TENM3: variants seen among roughly 807,000 people sequenced by gnomAD.
TENM3 encodes teneurin transmembrane protein 3, also known as teneurin-3.
TENM3 carries 63 observed loss-of-function variants against 255.1 expected under a neutral mutation model. The observed-to-expected ratio is 0.25, with a 90% CI of 0.20 to 0.30. TENM3 has a LOEUF of 0.30. Ranked by LOEUF, TENM3 falls within the 10% of genes least tolerant of loss-of-function variation. The probability of loss-of-function intolerance (pLI) is 1.00; values close to 1 mark genes in which losing one functional copy is unlikely to be tolerated. For synonymous variants in TENM3, 1,306 were observed against 1,322.3 expected (o/e 0.99, Z 0.27); for missense variants, 2,929 against 3,461.1 (o/e 0.85, Z 3.86).
the TENM3 span, among the ~76,000 whole-genome samples, chr4:182,076,308 G>A: frequency 3.4e-5 from 5 of 149,174 alleles, no homozygotes; most frequent in Admixed American, 6.8e-5. Flanking sequence ...GGGTTCAAGC[G>A]ATTCTCTTGC....
the TENM3 span, among the ~76,000 whole-genome samples, chr4:181,742,676 AT>A: frequency 4.5e-4 from 68 of 150,960 alleles, no homozygotes; most frequent in East Asian, 1.6e-3. Flanking sequence ...ATTTATTTTT[AT>A]TTTTTTTTAT....
the TENM3 span, among the ~76,000 whole-genome samples, chr4:181,994,121 G>A: frequency 6.6e-6 from 1 of 152,228 alleles, no homozygotes; most frequent in East Asian, 1.9e-4. Flanking sequence ...TTTCACAATT[G>A]TAAAGTTGTA....
At chr4:182,794,302 CT>C (rs1230634472) in intron 26 of TENM3, among the ~76,000 whole-genome samples, 1 of 152,100 alleles carries the variant, frequency 6.6e-6, no homozygotes, top group Admixed American at 6.6e-5. Flanking sequence ...ATAATAATGG[CT>C]AACTTAGGGC....
chr4:182,769,628 A>G (rs1219790241), intron 22 of TENM3, among the ~76,000 whole-genome samples: 1 of 151,540 alleles, frequency 6.6e-6, no homozygotes, highest in African/African-American at 2.4e-5. Flanking sequence ...CTAAAAATAC[A>G]CAAAAAAATT....
At chr4:181,576,519 G>A in the TENM3 span, among the ~76,000 whole-genome samples, 6 of 152,250 alleles carry the variant, frequency 3.9e-5, no homozygotes, top group South Asian at 1.2e-3. Context: ...CATAGAGGCT[G>A]TACTAATTTA....
At chr4:182,112,036 T>C in the TENM3 span, among the ~76,000 whole-genome samples, 2 of 152,136 alleles carry the variant, frequency 1.3e-5, no homozygotes, top group African/African-American at 4.8e-5. Flanking sequence ...ACACTTGTAA[T>C]CCCACGGCTT....
the TENM3 span, among the ~76,000 whole-genome samples, chr4:182,033,544 A>G: frequency 6.6e-6 from 1 of 152,200 alleles, no homozygotes; most frequent in African/African-American, 2.4e-5. Context: ...GTAGATATCT[A>G]TCAGGTCCAC....
At chr4:182,203,077 C>T (rs1289232611) in intron 1 of TENM3, among the ~76,000 whole-genome samples, 1 of 151,886 alleles carries the variant, frequency 6.6e-6, no homozygotes, top group Non-Finnish European at 1.5e-5. Context: ...ATTAGCCAGG[C>T]GTAGTGGTGG....
chr4:182,042,467 G>A, the TENM3 span, among the ~76,000 whole-genome samples: 1 of 152,186 alleles, frequency 6.6e-6, no homozygotes, highest in East Asian at 1.9e-4. Context: ...CAGTGTCCTA[G>A]AGGAAGTCAT....
the TENM3 span, among the ~76,000 whole-genome samples, chr4:181,535,704 C>G: frequency 6.6e-6 from 1 of 152,194 alleles, no homozygotes; most frequent in African/African-American, 2.4e-5. Flanking sequence ...GCTCTTCAAG[C>G]ACACCAGGCA....
chr4:181,773,072 CAG>C, the TENM3 span, among the ~76,000 whole-genome samples: 3 of 152,298 alleles, frequency 2.0e-5, no homozygotes, highest in East Asian at 5.8e-4. Flanking sequence ...TCATCTGACA[CAG>C]AAAACATCTG....
chr4:181,551,570 T>A, the TENM3 span, among the ~76,000 whole-genome samples: 1 of 152,292 alleles, frequency 6.6e-6, no homozygotes, highest in Admixed American at 6.5e-5. Flanking sequence ...AGAACATTTT[T>A]ATTTTTATCT....
chr4:181,761,729 G>C, the TENM3 span, among the ~76,000 whole-genome samples: 1 of 151,856 alleles, frequency 6.6e-6, no homozygotes, highest in Admixed American at 6.6e-5. Context: ...GCTTCCTATC[G>C]AGTATTCCTA....
At chr4:182,741,035 G>A (rs1220018913) in intron 18 of TENM3, among the ~76,000 whole-genome samples, 1 of 152,068 alleles carries the variant, frequency 6.6e-6, no homozygotes, top group African/African-American at 2.4e-5. Context: ...AATTAGCCAG[G>A]CTTAGTAGTG....
the TENM3 span, among the ~76,000 whole-genome samples, chr4:181,877,420 AT>A: frequency 2.7e-4 from 41 of 152,202 alleles, no homozygotes; most frequent in Non-Finnish European, 4.1e-4. Flanking sequence ...ATTTTGTTTC[AT>A]GCTAATTGAA....
the TENM3 span, among the ~76,000 whole-genome samples, chr4:181,992,425 C>T: frequency 6.6e-6 from 1 of 152,110 alleles, no homozygotes; most frequent in South Asian, 2.1e-4. Context: ...GCAAATCACA[C>T]TAACAGCAGA....
chr4:182,652,934 G>A (rs28508485), intron 5 of TENM3, among the ~76,000 whole-genome samples: 49,347 of 151,932 alleles, frequency 0.32, 8,894 homozygotes, highest in East Asian at 0.51. Context: ...GTATGACAGC[G>A]ACACATTTTT....
In TENM3 at chr4:182,789,337, T is replaced by A; in HGVS notation, c.5549T>A (p.Val1850Glu). Residue 1850 changes from valine (V) to glutamate (E), a missense_variant, in exon 25 of 28, where the codon GTG becomes GAG. Val to Glu is a moderately radical substitution (Grantham distance 121). Transcript: ENST00000511685. This position sits in a 1 kb window ranked among gnomAD's most constrained non-coding sequence, Gnocchi z 4.4. ...KVDYDGQGRIVSRVFADGKTW... is the reference protein window; with the variant it reads ...KVDYDGQGRIESRVFADGKTW... Reference sequence around the variant, plus strand: ...GATTATGACGGACAGGGGAGGATCGTGTCTCGGGTCTTTGCTGATGGTAAA... The same window carrying A: ...GATTATGACGGACAGGGGAGGATCGAGTCTCGGGTCTTTGCTGATGGTAAA... 6.2e-7 allele frequency: 1 copy of A among 1,613,854 alleles called. No individual in the cohort carries two copies. Among genetic ancestry groups the A allele is most frequent in the Non-Finnish European group, 8.5e-7 (1 of 1,179,874 alleles).
chr4:182,069,716 A>ACACAC, the TENM3 span, among the ~76,000 whole-genome samples: 1 of 126,078 alleles, frequency 7.9e-6, no homozygotes, highest in African/African-American at 3.3e-5. Flanking sequence ...CACACACACA[A>ACACAC]ATACACTCTT....
Sources: allele counts gnomAD v4.1 joint callset (sites outside exome capture counted in the v4.1 genomes callset), GRCh38; gene constraint gnomAD v4.1.1; non-coding constraint Gnocchi (gnomAD v3.1); transcripts MANE v1.5; gene names NCBI Gene and HGNC (gene_info 2026-07-23, HGNC 2026-07-21).